The following MAPK10 variants were observed in gnomAD, a reference collection of about 807,000 sequenced individuals.
The protein encoded by MAPK10 is mitogen-activated protein kinase 10.
Under a neutral mutation model 59.3 loss-of-function variants are expected in MAPK10, and 25 were observed. That is an observed-to-expected ratio of 0.42 (90% confidence interval 0.31 to 0.59). The LOEUF is 0.59. Ranked by LOEUF, MAPK10 falls within the 20% of genes least tolerant of loss-of-function variation. The pLI is 0.15. For synonymous variants in MAPK10, 190 were observed against 200.5 expected (o/e 0.95, Z 0.44); for missense variants, 351 against 568.9 (o/e 0.62, Z 3.90).
intron 1 of MAPK10, among the ~76,000 whole-genome samples, chr4:86,546,560 A>T (rs1417540370): frequency 6.6e-6 from 1 of 151,406 alleles, no homozygotes; most frequent in East Asian, 1.9e-4. Flanking sequence ...TCCTTCTAAA[A>T]AAAAAAAAAA....
chr4:86,497,865 G>C (rs1382114731), intron 1 of MAPK10, among the ~76,000 whole-genome samples: 1 of 152,138 alleles, frequency 6.6e-6, no homozygotes, highest in Admixed American at 6.5e-5. Flanking sequence ...CAAATATTAG[G>C]AGCAGGGTTG....
At chr4:86,121,461 T>A (rs946443882) in intron 4 of MAPK10, among the ~76,000 whole-genome samples, 1 of 152,186 alleles carries the variant, frequency 6.6e-6, no homozygotes, top group Non-Finnish European at 1.5e-5. Flanking sequence ...TAAGTTTCAA[T>A]ATATGAATTT....
chr4:86,208,778 T>C (rs1262671937), intron 2 of MAPK10, among the ~76,000 whole-genome samples: 1 of 152,026 alleles, frequency 6.6e-6, no homozygotes, highest in East Asian at 1.9e-4. Context: ...GGTATTCAAT[T>C]AGGAAAAGAG....
At chr4:86,175,595 C>G (rs553544633) in intron 3 of MAPK10, among the ~76,000 whole-genome samples, 20 of 152,130 alleles carry the variant, frequency 1.3e-4, no homozygotes, top group Admixed American at 3.9e-4. Context: ...CTCTCTCTTC[C>G]TCCTGCTCCT....
At chr4:86,257,599 G>C (rs1012691951) in intron 2 of MAPK10, among the ~76,000 whole-genome samples, 13 of 152,108 alleles carry the variant, frequency 8.5e-5, no homozygotes, top group African/African-American at 3.1e-4. Flanking sequence ...TCCTCACGTG[G>C]TTGACCAGTT....
rs190851886 is a variant in MAPK10 at position 86,216,519 on chromosome 4, A to G, written c.-6-22112T>C. 1.4e-3 allele frequency among the ~76,000 whole-genome samples: 220 copies of G among 151,868 alleles called. 1 individual carries two copies. The highest frequency in any genetic ancestry group is 4.8e-3 in the African/African-American group (200 of 41,512). On this transcript the variant is annotated intron_variant, in intron 2 of 13. Coordinates refer to ENST00000641462, the MANE Select transcript of MAPK10 (RefSeq NM_138982.4). ...AAGTTGAAAGAAAAACAATGTATTT[A>G]AGATTTAAATAGCAATGCCATACCT...
intron 11 of MAPK10, among the ~76,000 whole-genome samples, chr4:86,042,060 C>T (rs2041643983): frequency 6.6e-6 from 1 of 152,178 alleles, no homozygotes; most frequent in African/African-American, 2.4e-5. Flanking sequence ...ATACTTGGAA[C>T]CAACCCAAAT....
intron 2 of MAPK10, among the ~76,000 whole-genome samples, chr4:86,218,647 A>G (rs1303785915): frequency 2.6e-5 from 4 of 151,722 alleles, no homozygotes; most frequent in Non-Finnish European, 5.9e-5. Context: ...AACAAGTAGT[A>G]TCATTGCTTT....
At chr4:86,200,021 T>G (rs935864683) in intron 2 of MAPK10, among the ~76,000 whole-genome samples, 1 of 152,018 alleles carries the variant, frequency 6.6e-6, no homozygotes, top group South Asian at 2.1e-4. Context: ...AGGAAAAAAA[T>G]ACTAACTATA....
intron 2 of MAPK10, among the ~76,000 whole-genome samples, chr4:86,271,827 A>G (rs1488964409): frequency 6.6e-6 from 1 of 152,032 alleles, no homozygotes; most frequent in Non-Finnish European, 1.5e-5. Flanking sequence ...GAACAGCAGC[A>G]TGGGGGTCAC....
At chr4:86,190,791 T>C (rs947909335) in intron 3 of MAPK10, among the ~76,000 whole-genome samples, 17 of 152,196 alleles carry the variant, frequency 1.1e-4, no homozygotes, top group African/African-American at 3.9e-4. Context: ...TGCTATCTTT[T>C]GAAATTGTTT....
At chr4:86,070,737 CT>C (rs2047736274) in intron 9 of MAPK10, among the ~76,000 whole-genome samples, 1 of 150,326 alleles carries the variant, frequency 6.7e-6, no homozygotes, top group Admixed American at 6.6e-5. Flanking sequence ...TTTTTTATGG[CT>C]GCATAGTATT....
chr4:86,226,195 T>A (rs946771107), intron 2 of MAPK10, among the ~76,000 whole-genome samples: 1 of 152,222 alleles, frequency 6.6e-6, no homozygotes, highest in Admixed American at 6.5e-5. Flanking sequence ...CTGGCAGGCA[T>A]GATTTTATAG....
chr4:86,208,120 C>G (rs2084673182), intron 2 of MAPK10, among the ~76,000 whole-genome samples: 2 of 152,046 alleles, frequency 1.3e-5, no homozygotes, highest in South Asian at 4.1e-4. Flanking sequence ...CCAAAAAATT[C>G]CAGGACCAGA....
chr4:86,255,649 A>G (rs1367455256), intron 2 of MAPK10, among the ~76,000 whole-genome samples: 2 of 152,030 alleles, frequency 1.3e-5, no homozygotes, highest in Non-Finnish European at 2.9e-5. Context: ...GTTCTGTTTA[A>G]CTTTTTTTCA....
At chr4:86,357,212 C>T (rs187135038) in intron 1 of MAPK10, among the ~76,000 whole-genome samples, 6 of 152,282 alleles carry the variant, frequency 3.9e-5, no homozygotes, top group Middle Eastern at 3.4e-3. Flanking sequence ...CACTGAAAGT[C>T]CTTTGGCTAC....
chr4:86,393,517 T>C (rs1405701587), intron 1 of MAPK10, among the ~76,000 whole-genome samples: 1 of 152,194 alleles, frequency 6.6e-6, no homozygotes, highest in African/African-American at 2.4e-5. Flanking sequence ...AATGGAACCA[T>C]TACCAGGCAA....
chr4:86,129,109 A>G (rs936367002), intron 4 of MAPK10, among the ~76,000 whole-genome samples: 20 of 152,158 alleles, frequency 1.3e-4, no homozygotes, highest in Non-Finnish European at 4.4e-5. Flanking sequence ...GTTAATAACT[A>G]GAAGTTAGAC....
At chr4:86,169,467 A>G (rs2073257242) in intron 3 of MAPK10, among the ~76,000 whole-genome samples, 1 of 152,344 alleles carries the variant, frequency 6.6e-6, no homozygotes, top group Admixed American at 6.5e-5. Context: ...GATATCAGCA[A>G]TGGAAGATGA....
Sources: gnomAD v4.1 joint callset for allele counts (sites outside exome capture counted in the v4.1 genomes callset) on GRCh38, gnomAD v4.1.1 for gene constraint, MANE v1.5 for transcripts, NCBI Gene and HGNC (gene_info 2026-07-23, HGNC 2026-07-21) for gene names.